The following TTC6 variants were observed in gnomAD, a reference collection of about 807,000 sequenced individuals.
TTC6 encodes tetratricopeptide repeat protein 6.
Under a neutral mutation model 210.4 loss-of-function variants are expected in TTC6, and 172 were observed. The ratio of observed to expected loss-of-function variants is 0.82; its 90% CI spans 0.72 to 0.93. TTC6 has a LOEUF of 0.93. Ranked by LOEUF, TTC6 falls within the 40% of genes least tolerant of loss-of-function variation. The pLI is 0.00. For missense variants in TTC6, 2,414 were observed against 2,318.1 expected, an observed-to-expected ratio of 1.04 and a Z score of -0.85; for synonymous variants, 804 against 819.6, an observed-to-expected ratio of 0.98 and a Z score of 0.32.
chr14:37,834,103 G>A (rs1464240606), intron 29 of TTC6, among the ~76,000 whole-genome samples: 1 of 152,036 alleles, frequency 6.6e-6, no homozygotes, highest in Admixed American at 6.6e-5. Flanking sequence ...GATACTTTTG[G>A]TGTTTTTAAA....
At chr14:37,626,570 C>A (rs2095660672) in intron 1 of TTC6, among the ~76,000 whole-genome samples, 1 of 152,134 alleles carries the variant, frequency 6.6e-6, no homozygotes. Flanking sequence ...ATATATAAAA[C>A]AAATACCAGA....
upstream of TTC6, among the ~76,000 whole-genome samples, chr14:37,595,639 G>T (rs973092134): frequency 6.6e-6 from 1 of 152,130 alleles, no homozygotes. Context: ...GGAGAAGGCC[G>T]GGGGCGGTGG....
intron 13 of TTC6, among the ~76,000 whole-genome samples, chr14:37,752,120 C>A (rs574466568): frequency 6.6e-6 from 1 of 151,908 alleles, no homozygotes; most frequent in African/African-American, 2.4e-5. Flanking sequence ...CCACCGTGCC[C>A]GGCCAGGAAA....
intron 12 of TTC6, among the ~76,000 whole-genome samples, chr14:37,750,063 T>C (rs2095947239): frequency 6.6e-6 from 1 of 152,190 alleles, no homozygotes; most frequent in Non-Finnish European, 1.5e-5. Flanking sequence ...TTGATATATA[T>C]TGCAGTAAGT....
chr14:37,771,859 C>G (rs902571080), intron 14 of TTC6, among the ~76,000 whole-genome samples: 8 of 152,168 alleles, frequency 5.3e-5, no homozygotes, highest in Non-Finnish European at 8.8e-5. Context: ...AACTGCTTTC[C>G]TTTGGAGGAG....
At chr14:37,615,797 T>C (rs2095641779) in intron 2 of TTC6, among the ~76,000 whole-genome samples, 1 of 152,214 alleles carries the variant, frequency 6.6e-6, no homozygotes, top group Non-Finnish European at 1.5e-5. Flanking sequence ...TATTTTCCTT[T>C]ACTTGATTGA....
At chr14:37,830,587 C>G (rs2096182370) in intron 29 of TTC6, among the ~76,000 whole-genome samples, 1 of 151,688 alleles carries the variant, frequency 6.6e-6, no homozygotes, top group East Asian at 1.9e-4. Flanking sequence ...TACCTGTTAT[C>G]CCTGTGGACC....
intron 1 of TTC6, among the ~76,000 whole-genome samples, chr14:37,596,339 G>A (rs2095604502): frequency 2.0e-5 from 3 of 152,280 alleles, no homozygotes; most frequent in African/African-American, 7.2e-5. Context: ...TCTGCACTGC[G>A]AAAGAGATGC....
At chr14:37,668,279 C>A (rs1295809209) in intron 1 of TTC6, among the ~76,000 whole-genome samples, 1 of 150,464 alleles carries the variant, frequency 6.6e-6, no homozygotes, top group Non-Finnish European at 1.5e-5. Flanking sequence ...CCAGTTGTAT[C>A]AGTCAGTTAA....
intron 14 of TTC6, among the ~76,000 whole-genome samples, chr14:37,784,289 A>G (rs2096062454): frequency 6.6e-6 from 1 of 152,170 alleles, no homozygotes; most frequent in African/African-American, 2.4e-5. Flanking sequence ...GACTTGCTTT[A>G]TGAATCTGGG....
At chr14:37,727,876 G>T (rs371685688) in intron 7 of TTC6, among the ~76,000 whole-genome samples, 6 of 152,142 alleles carry the variant, frequency 3.9e-5, no homozygotes, top group African/African-American at 9.6e-5. Context: ...CAAAATACCA[G>T]TTTCTTGGAA....
chr14:37,663,836 G>T (rs1161097008), intron 1 of TTC6, among the ~76,000 whole-genome samples: 1 of 152,110 alleles, frequency 6.6e-6, no homozygotes, highest in Non-Finnish European at 1.5e-5. Context: ...TGCAAAAGTT[G>T]CTAGCATTCT....
chr14:37,607,544 T>G (rs548215529), intron 2 of TTC6, among the ~76,000 whole-genome samples: 1 of 152,198 alleles, frequency 6.6e-6, no homozygotes, highest in Non-Finnish European at 1.5e-5. Flanking sequence ...TATTTGAAAA[T>G]TTTGCATACT....
intron 29 of TTC6, among the ~76,000 whole-genome samples, chr14:37,838,900 G>C (rs534192642): frequency 6.6e-6 from 1 of 152,040 alleles, no homozygotes; most frequent in Non-Finnish European, 1.5e-5. Context: ...GAGAACATGC[G>C]GTGTTTGGTT....
chr14:37,716,084 G>C (rs933126024), intron 6 of TTC6, among the ~76,000 whole-genome samples: 20 of 152,092 alleles, frequency 1.3e-4, no homozygotes, highest in African/African-American at 4.8e-4. Flanking sequence ...GACATAAAGG[G>C]AGGTGAGATT....
intron 1 of TTC6, among the ~76,000 whole-genome samples, chr14:37,635,045 A>G (rs2095677481): frequency 6.6e-6 from 1 of 152,284 alleles, no homozygotes; most frequent in Admixed American, 6.5e-5. Flanking sequence ...AATAAACAAA[A>G]CTATGGCTAC....
exon 27 of TTC6, chr14:37,823,846 G>A: frequency 1.2e-6 from 2 of 1,613,942 alleles, no homozygotes; most frequent in African/African-American, 1.3e-5. Context: ...ATTCTTACAT[G>A]GAATACGGTC....
chr14:37,731,294 C>A (rs577789363), intron 7 of TTC6, among the ~76,000 whole-genome samples: 3 of 152,156 alleles, frequency 2.0e-5, no homozygotes, highest in East Asian at 3.8e-4. Context: ...CTATGTAACA[C>A]ATTTGTTTTC....
At chr14:37,650,239 CTG>C (rs1201827201) in intron 1 of TTC6, among the ~76,000 whole-genome samples, 1 of 152,218 alleles carries the variant, frequency 6.6e-6, no homozygotes, top group Non-Finnish European at 1.5e-5. Context: ...CTATGCTCTA[CTG>C]TGATATAGTG....
Sources: allele counts gnomAD v4.1 joint callset (sites outside exome capture counted in the v4.1 genomes callset), GRCh38; gene constraint gnomAD v4.1.1; transcripts MANE v1.5; gene names NCBI Gene and HGNC (gene_info 2026-07-23, HGNC 2026-07-21).